KLRC1: variants seen among roughly 807,000 people sequenced by gnomAD.
The protein encoded by KLRC1 is NKG2-A/NKG2-B type II integral membrane protein.
In KLRC1, 22 loss-of-function variants were observed where a neutral mutation model predicts 25.9. The observed-to-expected ratio is 0.85, with a 90% confidence interval of 0.61 to 1.21. The LOEUF (loss-of-function observed/expected upper bound fraction) is 1.21. Ranked by LOEUF, KLRC1 falls within the 50% of genes most tolerant of loss-of-function variation. The probability of loss-of-function intolerance (pLI) is 0.00; values close to 1 mark genes in which losing one functional copy is unlikely to be tolerated. For missense variants in KLRC1, 240 were observed against 272.2 expected, an observed-to-expected ratio of 0.88 and a Z score of 0.83; for synonymous variants, 77 against 93.1, an observed-to-expected ratio of 0.83 and a Z score of 0.99.
At chr12:10,454,622 G>T (rs1565515065), upstream of KLRC1, 1 of 985,164 alleles carries the variant, frequency 1.0e-6, no homozygotes, top group Non-Finnish European at 1.2e-6. Context: ...CATGCTTGCT[G>T]ACCTCTGTCC....
At chr12:10,445,129 A>T (rs1863960279), downstream of KLRC1, among the ~76,000 whole-genome samples, 1 of 151,890 alleles carries the variant, frequency 6.6e-6, no homozygotes, top group South Asian at 2.1e-4. Context: ...CACGTTGGCT[A>T]GGATGGTCTC....
At position 10,446,578 on chromosome 12, in the gene KLRC1, T is replaced by C. The variant is rs139182795; in HGVS notation, c.675A>G (p.Ile225Met). The change falls in exon 7 of 7, where the codon ATA becomes ATG. Residue 225 changes from isoleucine to methionine, a missense_variant. By Grantham distance (10) the Ile-to-Met change is conservative. Coordinates refer to ENST00000359151, the MANE Select transcript of KLRC1 (RefSeq NM_002259.5). The stretch of plus-strand genomic sequence containing the variant: ...AAAGCTTATGCTTACAATGATATAT[T>C]ATTGAAGATCCACACTGGGCTGATT... ...RLKSAQCGSS[I>M]IYHCKHKL The C allele has an allele frequency of 8.9e-5, 144 of 1,613,804 alleles. No homozygotes were observed. Among genetic ancestry groups the C allele is most frequent in the Middle Eastern group, 5.0e-4 (3 of 6,054 alleles).
chr12:10,445,690 A>G (rs1456582224), downstream of KLRC1, among the ~76,000 whole-genome samples: 1 of 152,172 alleles, frequency 6.6e-6, no homozygotes, highest in African/African-American at 2.4e-5. Flanking sequence ...ATAAATCAAT[A>G]GTTGACATAA....
chr12:10,444,284 C>G (rs1357274290), downstream of KLRC1, among the ~76,000 whole-genome samples: 1 of 144,480 alleles, frequency 6.9e-6, no homozygotes, highest in African/African-American at 2.6e-5. Flanking sequence ...AATAATGTTA[C>G]AATAGAGAGA....
chr12:10,451,456 G>A (rs1162095087), intron 1 of KLRC1, among the ~76,000 whole-genome samples: 1 of 152,118 alleles, frequency 6.6e-6, no homozygotes, highest in East Asian at 1.9e-4. Context: ...AGGAGATCGA[G>A]ACCATCCTGG....
chr12:10,449,177 C>T lies in KLRC1; in HGVS notation c.489+60G>A, dbSNP rs1174358164. 5 of 1,604,012 alleles carry T rather than the reference C, an allele frequency of 3.1e-6. No individual in the cohort carries two copies. In the African/African-American group the frequency reaches 5.4e-5, roughly 17 times the overall value. ...TACCCACACATATGGATGATTTCTA[C>T]AAATATATTATCGACCGAAAGAAGC... On this transcript the variant is annotated intron_variant, in intron 5 of 6. Transcript: ENST00000359151.
At chr12:10,448,767 C>G (rs1296713092) in intron 5 of KLRC1, among the ~76,000 whole-genome samples, 1 of 152,172 alleles carries the variant, frequency 6.6e-6, no homozygotes, top group Non-Finnish European at 1.5e-5. Flanking sequence ...GTATGATTCC[C>G]TTTATATAAA....
intron 5 of KLRC1, among the ~76,000 whole-genome samples, chr12:10,447,868 T>G (rs71450091): frequency 3.3e-5 from 5 of 152,198 alleles, no homozygotes; most frequent in Non-Finnish European, 7.3e-5. Flanking sequence ...ATAAACACAG[T>G]AAGGATTTAA....
rs202024250 is a variant in KLRC1 at position 10,450,445 on chromosome 12, C to T, written c.283+39G>A. 38 of 1,105,680 alleles carry T rather than the reference C, an allele frequency of 3.4e-5. 1 individual carries two copies. In the South Asian group the frequency reaches 3.7e-4, roughly 11 times the overall value. 68.5% of individuals were successfully genotyped at this position (1,105,680 alleles called of 1,614,324 possible). Reference sequence around the variant, plus strand: ...GTTTAGAGGCACATTCAATCATTAACGTGAAAATTCCCCTTGTAATCTTCG... The same window carrying T: ...GTTTAGAGGCACATTCAATCATTAATGTGAAAATTCCCCTTGTAATCTTCG... On this transcript the variant is annotated intron_variant, in intron 3 of 6. Transcript: ENST00000359151.
intron 5 of KLRC1, among the ~76,000 whole-genome samples, 195 bp from the exon 6 acceptor site, chr12:10,447,827 T>C (rs977997510): frequency 2.0e-5 from 3 of 152,220 alleles, no homozygotes; most frequent in African/African-American, 7.2e-5. Context: ...GTTTTAATTC[T>C]TGCATTATAA....
Position 10,446,586 on chromosome 12 carries a change from A to T in KLRC1, c.667T>A (p.Ser223Thr), listed in dbSNP as rs144003798. The part of the protein sequence containing the change: ...VNRLKSAQCG[S>T]SIIYHCKHKL ...TGCTTACAATGATATATTATTGAAG[A>T]TCCACACTGGGCTGATTTAAGTCGA... The change falls in exon 7 of 7, where the codon TCT becomes ACT. Residue 223 changes from serine (S) to threonine (T), a missense_variant. Physicochemically the swap from Ser to Thr is moderately conservative, Grantham distance 58. Coordinates refer to ENST00000359151, the MANE Select transcript of KLRC1 (RefSeq NM_002259.5). 92 of 1,613,836 alleles carry T rather than the reference A, an allele frequency of 5.7e-5. No individual in the cohort carries two copies. Among genetic ancestry groups the T allele is most frequent in the Non-Finnish European group, 7.0e-5 (83 of 1,179,904 alleles).
At chr12:10,449,433 A>T (rs1410473949) in intron 4 of KLRC1, 45 bp from the exon 5 acceptor site, 10 of 1,594,630 alleles carry the variant, frequency 6.3e-6, no homozygotes, top group Non-Finnish European at 7.7e-6. Flanking sequence ...ATGAATTTTT[A>T]AAAATGAAAA....
chr12:10,447,707 A>G (rs1864022670), intron 5 of KLRC1, 75 bp from the exon 6 acceptor site: 1 of 1,302,802 alleles, frequency 7.7e-7, no homozygotes, highest in South Asian at 1.5e-5. Flanking sequence ...TAAATTTGAA[A>G]ACCACTATTT....
At chr12:10,443,760 T>C (rs1863940850), downstream of KLRC1, among the ~76,000 whole-genome samples, 1 of 140,312 alleles carries the variant, frequency 7.1e-6, no homozygotes, top group Admixed American at 7.0e-5. Context: ...TAGTAAAAAA[T>C]ATAGGACTAT....
rs1447964275 is a variant in KLRC1, at chr12:10,446,422, A to C, written c.*129T>G. On this transcript the variant is annotated 3_prime_UTR_variant, in exon 7 of 7. Coordinates refer to ENST00000359151, the MANE Select transcript of KLRC1 (RefSeq NM_002259.5). ...GTAATTGTGTGTATCCTGTTTCAAT[A>C]ATTGATTTAGAATTTTCTTATTAGA... 2.8e-6 allele frequency: 4 copies of C among 1,437,240 alleles called. No homozygotes were observed. Among genetic ancestry groups the C allele is most frequent in the Non-Finnish European group, 3.7e-6 (4 of 1,093,546 alleles). 89.0% of individuals were successfully genotyped at this position (1,437,240 alleles called of 1,614,324 possible).
Position 10,451,170 on chromosome 12 carries a change from G to A in KLRC1, c.-14C>T. On this transcript the variant is annotated 5_prime_UTR_variant, in exon 2 of 7. Transcript: ENST00000359151. The stretch of plus-strand genomic sequence containing the variant: ...TTGGTTATCCATCTCTGCAGTGTGT[G>A]ATGTCAGGGACTGTACTCTATAATA... 2 of 1,606,660 alleles carry A rather than the reference G, an allele frequency of 1.2e-6. No individual in the cohort carries two copies. Among genetic ancestry groups the A allele is most frequent in the Non-Finnish European group, 1.7e-6 (2 of 1,176,354 alleles).
At chr12:10,447,848 A>C (rs1360334183) in intron 5 of KLRC1, among the ~76,000 whole-genome samples, 1 of 152,164 alleles carries the variant, frequency 6.6e-6, no homozygotes, top group Non-Finnish European at 1.5e-5. Flanking sequence ...TAGTTACCCC[A>C]ATTGACTGAA....
rs938214455 is a variant in KLRC1, at chr12:10,446,451, A to C, written c.*100T>G. ...GATTTAGAATTTTCTTATTAGAGCA[A>C]ATAACATAATTCATTTTAAGATTTA... is the stretch of plus-strand genomic sequence containing the variant. On this transcript the variant is annotated 3_prime_UTR_variant, in exon 7 of 7. Transcript: ENST00000359151. 6.9e-7 allele frequency: 1 copy of C among 1,443,296 alleles called. No homozygotes were observed. The highest frequency in any genetic ancestry group is 9.2e-7 in the Non-Finnish European group (1 of 1,088,102). The allele number at this position is 1,443,296 out of a possible 1,614,324, so 89.4% of individuals were successfully genotyped here. A position where few individuals can be genotyped will look rare whatever the true frequency, so the allele number is the denominator to read the frequency against.
chr12:10,449,090 A>T (rs1044489612), intron 5 of KLRC1, 147 bp downstream of exon 5: 1 of 1,085,888 alleles, frequency 9.2e-7, no homozygotes, highest in African/African-American at 1.6e-5. Context: ...GAATTTTAAA[A>T]CATTATTAAG....
Sources: allele counts gnomAD v4.1 joint callset (sites outside exome capture counted in the v4.1 genomes callset), GRCh38; gene constraint gnomAD v4.1.1; transcripts MANE v1.5; gene names NCBI Gene and HGNC (gene_info 2026-07-23, HGNC 2026-07-21).